The following TRPC7 variants were observed in gnomAD, a reference collection of about 807,000 sequenced individuals.
The protein encoded by TRPC7 is short transient receptor potential channel 7.
A neutral mutation model predicts 90.1 loss-of-function variants in TRPC7; 42 were observed. That is an observed-to-expected ratio of 0.47 (90% CI 0.36 to 0.60). TRPC7 has a LOEUF of 0.60. Ranked by LOEUF, TRPC7 falls within the 20% of genes least tolerant of loss-of-function variation. The pLI, the probability that TRPC7 is intolerant of heterozygous loss-of-function variation, is 0.00. For synonymous variants in TRPC7, 451 were observed against 436.3 expected, an observed-to-expected ratio of 1.03 and a Z score of -0.42; for missense variants, 955 against 1,112.3, an observed-to-expected ratio of 0.86 and a Z score of 2.01.
At chr5:136,311,513 A>C (rs1272416033) in intron 3 of TRPC7, among the ~76,000 whole-genome samples, 2 of 152,174 alleles carry the variant, frequency 1.3e-5, no homozygotes, top group Admixed American at 1.3e-4. Flanking sequence ...TGGGGCTGGA[A>C]GTTTCCTCAG....
At chr5:136,300,317 T>A (rs576315800) in intron 3 of TRPC7, among the ~76,000 whole-genome samples, 2 of 152,170 alleles carry the variant, frequency 1.3e-5, no homozygotes, top group African/African-American at 4.8e-5. Flanking sequence ...GCTGGCAGGG[T>A]GTGGATATGG....
rs869287763 is a variant in TRPC7, at chr5:136,335,903, C to CA, written c.781-20125dup. 3.7e-3 allele frequency among the ~76,000 whole-genome samples: 145 copies of CA among 38,702 alleles called. 13 individuals are homozygous for CA. Among genetic ancestry groups the CA allele is most frequent in the African/African-American group, 9.3e-3 (83 of 8,930 alleles). The allele number at this position is 38,702 out of a possible 152,430, so 25.4% of individuals were successfully genotyped here. A position where few individuals can be genotyped will look rare whatever the true frequency, so the allele number is the denominator to read the frequency against. ...TGGGCGACAGAGCGAGACTCCGTCT[C>CA]AAAAAAAAAAAAAAAAAAAAAAAAA... On this transcript the variant is annotated intron_variant, in intron 2 of 11. Coordinates refer to ENST00000513104, the MANE Select transcript of TRPC7 (RefSeq NM_020389.3).
chr5:136,357,313 G>A lies in TRPC7; in HGVS notation c.75C>T (p.Ala25=). 6.2e-7 allele frequency: 1 copy of A among 1,609,324 alleles called. No homozygotes were observed. The highest frequency in any genetic ancestry group is 8.5e-7 in the Non-Finnish European group (1 of 1,179,868). ...TTLREKGRRQ[A]IRGPAYMFNE... is the part of the protein sequence containing the mutation. ...TGAACATGTAGGCGGGACCCCGGATGGCCTGGCGACGGCCCTTCTCCCTCA... is the reference window on the plus strand; with the variant it reads ...TGAACATGTAGGCGGGACCCCGGATAGCCTGGCGACGGCCCTTCTCCCTCA... Residue 25 remains alanine (A), a synonymous_variant, in exon 2 of 12, where the codon GCC becomes GCT. Coordinates refer to ENST00000513104, the MANE Select transcript of TRPC7 (RefSeq NM_020389.3).
intron 3 of TRPC7, 86 bp from the exon 4 acceptor site, chr5:136,274,923 G>A: frequency 7.0e-7 from 1 of 1,423,320 alleles, no homozygotes; most frequent in East Asian, 2.5e-5. Context: ...CCTAGGAGTA[G>A]CTGGGGGCTG....
At chr5:136,348,483 T>C (rs140283730) in intron 2 of TRPC7, among the ~76,000 whole-genome samples, 164 of 152,358 alleles carry the variant, frequency 1.1e-3, no homozygotes, top group African/African-American at 3.8e-3. Flanking sequence ...ACAACTCTTT[T>C]AGAATTGCAT....
At chr5:136,349,135 T>C (rs200295120) in intron 2 of TRPC7, among the ~76,000 whole-genome samples, 1 of 145,516 alleles carries the variant, frequency 6.9e-6, no homozygotes, top group African/African-American at 2.5e-5. Flanking sequence ...CATTTCCTCC[T>C]CCTCCTCTTT....
chr5:136,347,626 T>C (rs533634500), intron 2 of TRPC7, among the ~76,000 whole-genome samples: 4 of 152,308 alleles, frequency 2.6e-5, no homozygotes, highest in Non-Finnish European at 5.9e-5. Flanking sequence ...CACTTTCCAA[T>C]ACATCCGCTT....
At chr5:136,243,058 C>A (rs1396479905) in intron 7 of TRPC7, among the ~76,000 whole-genome samples, 4 of 152,128 alleles carry the variant, frequency 2.6e-5, no homozygotes, top group African/African-American at 9.7e-5. Context: ...ATAGGGCAGG[C>A]CTTGGTTGAG....
intron 10 of TRPC7, among the ~76,000 whole-genome samples, chr5:136,216,890 CTG>C (rs1227712707): frequency 6.6e-6 from 1 of 152,246 alleles, no homozygotes; most frequent in Non-Finnish European, 1.5e-5. Context: ...AGGCCTGACA[CTG>C]TACTGCCGGA....
At chr5:136,276,551 T>C (rs916740295) in intron 3 of TRPC7, among the ~76,000 whole-genome samples, 1 of 152,250 alleles carries the variant, frequency 6.6e-6, no homozygotes, top group Admixed American at 6.5e-5. Context: ...TAACTCACAG[T>C]AACAGCCAAA....
intron 3 of TRPC7, among the ~76,000 whole-genome samples, chr5:136,277,847 A>G (rs1009697625): frequency 6.6e-6 from 1 of 152,222 alleles, no homozygotes; most frequent in African/African-American, 2.4e-5. Context: ...TGCCCAGAAC[A>G]TGGCACACTT....
At chr5:136,345,359 C>T (rs1369003893) in intron 2 of TRPC7, among the ~76,000 whole-genome samples, 1 of 152,084 alleles carries the variant, frequency 6.6e-6, no homozygotes, top group Non-Finnish European at 1.5e-5. Flanking sequence ...AGTTTGAGAC[C>T]AGCCTGGCCA....
At chr5:136,216,553 G>A (rs571153098) in intron 10 of TRPC7, among the ~76,000 whole-genome samples, 1 of 152,230 alleles carries the variant, frequency 6.6e-6, no homozygotes, top group Non-Finnish European at 1.5e-5. Flanking sequence ...GAGAGAGACA[G>A]AGAGAAAGGG....
At chr5:136,264,499 C>T (rs1471705330) in intron 5 of TRPC7, among the ~76,000 whole-genome samples, 1 of 152,072 alleles carries the variant, frequency 6.6e-6, no homozygotes, top group Admixed American at 6.5e-5. Flanking sequence ...GTTAAGACCA[C>T]AGAACTCTGT....
chr5:136,357,938 G>T (rs1212254641), intron 1 of TRPC7, among the ~76,000 whole-genome samples: 1 of 152,176 alleles, frequency 6.6e-6, no homozygotes, highest in Non-Finnish European at 1.5e-5. Flanking sequence ...CTGTGCCATA[G>T]AGTTGGCCAT....
intron 3 of TRPC7, among the ~76,000 whole-genome samples, chr5:136,293,212 C>A (rs1758025376): frequency 6.6e-6 from 1 of 152,190 alleles, no homozygotes; most frequent in South Asian, 2.1e-4. Context: ...TGGAAGCATT[C>A]CCTTTGAAAA....
At chr5:136,346,840 C>G (rs1210685476) in intron 2 of TRPC7, among the ~76,000 whole-genome samples, 1 of 152,112 alleles carries the variant, frequency 6.6e-6, no homozygotes, top group East Asian at 1.9e-4. Context: ...GAATAGCACC[C>G]CGCAGCCCAA....
chr5:136,357,324 G>T lies in TRPC7; in HGVS notation c.64C>A (p.Arg22Ser). ...RRHTTLREKG[R>S]RQAIRGPAYM... ...GCGGGACCCCGGATGGCCTGGCGAC[G>T]GCCCTTCTCCCTCAGCGTTGTGTGC... Residue 22 changes from arginine to serine, a missense_variant, in exon 2 of 12, where the codon CGT becomes AGT. Arg to Ser is a moderately radical substitution (Grantham distance 110, BLOSUM62 -1). This residue lies in a region of TRPC7 where 161 missense variants were observed against 145.7 expected (regional missense o/e 1.10). Transcript: ENST00000513104. 2 of 1,607,274 alleles carry T rather than the reference G, an allele frequency of 1.2e-6. No homozygotes were observed. Among genetic ancestry groups the T allele is most frequent in the Non-Finnish European group, 1.7e-6 (2 of 1,179,858 alleles).
At chr5:136,220,365 TA>T (rs1561676358) in intron 10 of TRPC7, among the ~76,000 whole-genome samples, 1 of 152,296 alleles carries the variant, frequency 6.6e-6, no homozygotes, top group Admixed American at 6.5e-5. Context: ...TAGCAAGGAA[TA>T]TTAATAATTA....
Sources: gnomAD v4.1 joint callset for allele counts (sites outside exome capture counted in the v4.1 genomes callset) on GRCh38, gnomAD v4.1.1 for gene constraint, gnomAD v4.1.1 regional missense constraint, MANE v1.5 for transcripts, NCBI Gene and HGNC (gene_info 2026-07-23, HGNC 2026-07-21) for gene names.